Variants in MARCHF1 observed in about 807,000 individuals in gnomAD.
The protein encoded by MARCHF1 is membrane associated ring-CH-type finger 1, also known as E3 ubiquitin-protein ligase MARCHF1.
In MARCHF1, 40 loss-of-function variants were observed where a neutral mutation model predicts 54.2. That is an observed-to-expected ratio of 0.74 (90% CI 0.57 to 0.96). MARCHF1 has a LOEUF of 0.96. Among genes scored for constraint, MARCHF1 ranks in the 40% least tolerant of loss-of-function variants. The pLI is 0.00. For missense variants in MARCHF1, 586 were observed against 656.5 expected, an observed-to-expected ratio of 0.89 and a Z score of 1.17; for synonymous variants, 236 against 236.3, an observed-to-expected ratio of 1.00 and a Z score of 0.01.
At chr4:163,633,949 C>T (rs1220006242) in intron 5 of MARCHF1, among the ~76,000 whole-genome samples, 2 of 152,146 alleles carry the variant, frequency 1.3e-5, no homozygotes, top group Non-Finnish European at 2.9e-5. Context: ...ATTCAACATT[C>T]TTAAAGAAAA....
At chr4:163,646,646 G>A (rs149420985) in intron 5 of MARCHF1, among the ~76,000 whole-genome samples, 194 of 152,092 alleles carry the variant, frequency 1.3e-3, no homozygotes, top group African/African-American at 4.6e-3. Flanking sequence ...ATTTGTATGC[G>A]GGGAGTAAAA....
At chr4:163,957,849 G>A (rs975956410) in intron 3 of MARCHF1, among the ~76,000 whole-genome samples, 1 of 151,990 alleles carries the variant, frequency 6.6e-6, no homozygotes, top group Non-Finnish European at 1.5e-5. Context: ...ATCTGCACTT[G>A]TCTCTTCACA....
chr4:164,172,075 C>T (rs1730540703), intron 1 of MARCHF1, among the ~76,000 whole-genome samples: 1 of 152,148 alleles, frequency 6.6e-6, no homozygotes, highest in South Asian at 2.1e-4. Context: ...AGTCTTTACA[C>T]TAATCATGTC....
At chr4:164,370,211 T>C (rs1305925182) in intron 1 of MARCHF1, among the ~76,000 whole-genome samples, 1 of 152,164 alleles carries the variant, frequency 6.6e-6, no homozygotes, top group Admixed American at 6.5e-5. Flanking sequence ...GGAAGAAAGA[T>C]ATCACATCCA....
chr4:164,351,382 G>A (rs1730325479), intron 1 of MARCHF1, among the ~76,000 whole-genome samples: 1 of 151,104 alleles, frequency 6.6e-6, no homozygotes, highest in Admixed American at 6.6e-5. Flanking sequence ...TTTGAAGAGA[G>A]CAGTGGTTCT....
intron 5 of MARCHF1, among the ~76,000 whole-genome samples, chr4:163,653,971 T>C (rs1353546605): frequency 6.6e-6 from 1 of 151,722 alleles, no homozygotes; most frequent in Non-Finnish European, 1.5e-5. Context: ...GAGACAAAGA[T>C]ACATCCCAAT....
chr4:163,815,738 T>C (rs1213014833), intron 4 of MARCHF1, among the ~76,000 whole-genome samples: 1 of 152,176 alleles, frequency 6.6e-6, no homozygotes, highest in East Asian at 1.9e-4. Context: ...TTAATGCTTG[T>C]TCTATATAGA....
chr4:163,683,044 T>C (rs929507907), intron 5 of MARCHF1, among the ~76,000 whole-genome samples: 2 of 152,212 alleles, frequency 1.3e-5, no homozygotes, highest in African/African-American at 4.8e-5. Flanking sequence ...AGAAGTATAA[T>C]ATCTTGAGTA....
At chr4:163,926,591 C>A (rs4507319) in intron 3 of MARCHF1, among the ~76,000 whole-genome samples, 1 of 151,432 alleles carries the variant, frequency 6.6e-6, no homozygotes, top group East Asian at 1.9e-4. Context: ...TTTACATTCC[C>A]AACATACCAT....
chr4:164,262,376 T>A (rs1394639620), intron 1 of MARCHF1, among the ~76,000 whole-genome samples: 1 of 152,174 alleles, frequency 6.6e-6, no homozygotes, highest in Non-Finnish European at 1.5e-5. Flanking sequence ...AGCAAATGCA[T>A]TGTTTTTCCA....
intron 2 of MARCHF1, among the ~76,000 whole-genome samples, chr4:164,009,912 T>C (rs1448170816): frequency 1.3e-5 from 2 of 152,124 alleles, no homozygotes; most frequent in African/African-American, 2.4e-5. Flanking sequence ...TTACCACTTC[T>C]AGTCAACAAA....
intron 4 of MARCHF1, among the ~76,000 whole-genome samples, chr4:163,817,174 C>T (rs1181155061): frequency 2.0e-5 from 3 of 152,040 alleles, no homozygotes; most frequent in Non-Finnish European, 4.4e-5. Flanking sequence ...TTCCTAATTA[C>T]ATCTCACTCA....
At chr4:163,728,978 T>A (rs1579234847) in intron 4 of MARCHF1, among the ~76,000 whole-genome samples, 1 of 152,188 alleles carries the variant, frequency 6.6e-6, no homozygotes, top group South Asian at 2.1e-4. Context: ...GGAATTTTTA[T>A]CATGAATGGC....
At chr4:164,241,796 G>A (rs531569207) in intron 1 of MARCHF1, among the ~76,000 whole-genome samples, 33 of 152,312 alleles carry the variant, frequency 2.2e-4, no homozygotes, top group South Asian at 1.4e-3. Context: ...GAAGCAGGGC[G>A]AGGCATTGCC....
At chr4:163,902,738 C>A (rs150652128) in intron 3 of MARCHF1, among the ~76,000 whole-genome samples, 2 of 152,252 alleles carry the variant, frequency 1.3e-5, no homozygotes, top group African/African-American at 4.8e-5. Flanking sequence ...AGAAAGCTTC[C>A]AATTGCCAGT....
chr4:163,938,030 CAG>C (rs1751838374), intron 3 of MARCHF1, among the ~76,000 whole-genome samples: 1 of 152,002 alleles, frequency 6.6e-6, no homozygotes, highest in African/African-American at 2.4e-5. Context: ...TTTTTAAAAA[CAG>C]GAGATGATCT....
At chr4:164,190,117 T>C (rs1731086138) in intron 1 of MARCHF1, 2 of 1,496,654 alleles carry the variant, frequency 1.3e-6, no homozygotes, top group Non-Finnish European at 1.8e-6. Context: ...AAAGAAAAGC[T>C]GGGAGGTAAA....
intron 1 of MARCHF1, among the ~76,000 whole-genome samples, chr4:164,356,314 C>G (rs1391385414): frequency 7.5e-6 from 1 of 133,098 alleles, no homozygotes; most frequent in Non-Finnish European, 1.7e-5. Flanking sequence ...GACACATGAA[C>G]AGGTATGTTT....
chr4:163,932,518 C>T (rs1751699534), intron 3 of MARCHF1: 10 of 356,972 alleles, frequency 2.8e-5, no homozygotes, highest in Middle Eastern at 5.7e-4. Context: ...TTCACCCTGA[C>T]TCCTGCCATA....
Sources: gnomAD v4.1 joint callset for allele counts (sites outside exome capture counted in the v4.1 genomes callset) on GRCh38, gnomAD v4.1.1 for gene constraint, MANE v1.5 for transcripts, NCBI Gene and HGNC (gene_info 2026-07-23, HGNC 2026-07-21) for gene names.